Variants in TET2 observed in about 807,000 individuals in gnomAD.
TET2 encodes methylcytosine dioxygenase TET2.
TET2 carries 299 observed loss-of-function variants against 142.9 expected under a neutral mutation model. The ratio of observed to expected loss-of-function variants is 2.09; its 90% CI spans 1.90 to 2.30. The LOEUF (loss-of-function observed/expected upper bound fraction) is 2.30, where lower values mean the gene tolerates loss of function less well. Ranked by LOEUF, TET2 falls within the 30% of genes most tolerant of loss-of-function variation. The probability of loss-of-function intolerance (pLI) is 0.00; values close to 1 mark genes in which losing one functional copy is unlikely to be tolerated. For synonymous variants in TET2, 819 were observed against 849.0 expected (o/e 0.96, Z 0.61); for missense variants, 2,418 against 2,378.0 (o/e 1.02, Z -0.35).
chr4:105,247,966 C>A (rs1729668824), intron 6 of TET2, among the ~76,000 whole-genome samples: 1 of 152,088 alleles, frequency 6.6e-6, no homozygotes, highest in Non-Finnish European at 1.5e-5. Context: ...AAGTGATCCG[C>A]CCACCTTGGC....
At chr4:105,217,426 C>T (rs1727561360) in intron 2 of TET2, among the ~76,000 whole-genome samples, 3 of 152,026 alleles carry the variant, frequency 2.0e-5, no homozygotes, top group Non-Finnish European at 4.4e-5. Flanking sequence ...AGGTTCTCAT[C>T]AGTGCCTCAA....
At chr4:105,223,617 A>G (rs1727991464) in intron 2 of TET2, among the ~76,000 whole-genome samples, 1 of 152,200 alleles carries the variant, frequency 6.6e-6, no homozygotes, top group African/African-American at 2.4e-5. Context: ...AGTCCATAGC[A>G]TTGCACACAT....
intron 6 of TET2, among the ~76,000 whole-genome samples, chr4:105,258,839 T>C (rs111707016): frequency 1.6e-3 from 251 of 152,314 alleles, no homozygotes; most frequent in African/African-American, 5.8e-3. Context: ...GTCATTAGAA[T>C]GTATCAAACT....
rs943880787 is a variant in TET2 at position 105,272,808 on chromosome 4, C to G, written c.4427C>G (p.Ala1476Gly). 1 of 1,551,556 alleles carries G rather than the reference C, an allele frequency of 6.4e-7. No homozygotes were observed. The highest frequency in any genetic ancestry group is 8.7e-7 in the Non-Finnish European group (1 of 1,146,926). The stretch of plus-strand genomic sequence containing the variant: ...AAACTAGAAGCCAAGAAAGCTGCAG[C>G]TGAAAAGCTTTCCTCCCTGGAGAAC... ...QRKLEAKKAA[A>G]EKLSSLENSS... The change falls in exon 10 of 11, where the codon GCT becomes GGT. Residue 1476 changes from alanine to glycine, a missense_variant. Coordinates refer to ENST00000380013, the MANE Select transcript of TET2 (RefSeq NM_001127208.3).
At chr4:105,182,398 A>G (rs558297820) in intron 1 of TET2, among the ~76,000 whole-genome samples, 1 of 152,310 alleles carries the variant, frequency 6.6e-6, no homozygotes, top group Admixed American at 6.5e-5. Flanking sequence ...CTCCAGCACT[A>G]TGTCTCATGC....
chr4:105,259,840 A>G, intron 7 of TET2, 71 bp downstream of exon 7: 1 of 1,414,472 alleles, frequency 7.1e-7, no homozygotes, highest in Non-Finnish European at 9.5e-7. Flanking sequence ...TGAAGTGAAC[A>G]ATATGACATA....
intron 3 of TET2, chr4:105,240,402 T>C (rs376446971): frequency 1.1e-5 from 12 of 1,071,986 alleles, no homozygotes; most frequent in East Asian, 1.1e-4. Context: ...TGCTGATGGA[T>C]GTAGATATAT....
At position 105,275,968 on chromosome 4, in the gene TET2, A is replaced by G; in HGVS notation, c.5458A>G (p.Ser1820Gly). 2 of 1,551,790 alleles carry G rather than the reference A, an allele frequency of 1.3e-6. No individual in the cohort carries two copies. The highest frequency in any genetic ancestry group is 1.7e-6 in the Non-Finnish European group (2 of 1,146,998). The change falls in exon 11 of 11, where the codon AGT becomes GGT. Residue 1820 changes from serine (S) to glycine (G), a missense_variant. By Grantham distance (56) the Ser-to-Gly change is moderately conservative. Transcript: ENST00000380013. ...ACVQGGLHKL[S>G]DANGQEKQPL... Reference sequence around the variant, plus strand: ...TGTCCAAGGAGGCTTACACAAATTAAGTGATGCTAATGGTCAGGAAAAGCA... The same window carrying G: ...TGTCCAAGGAGGCTTACACAAATTAGGTGATGCTAATGGTCAGGAAAAGCA...
rs779965990 is a variant in TET2, at chr4:105,236,041, A to G, written c.2099A>G (p.Lys700Arg). ...GAAAAACTTATGTCCCCAGTGTTGAAACAGCACTTGAATCAACAGGCTTCA... is the reference window on the plus strand; with the variant it reads ...GAAAAACTTATGTCCCCAGTGTTGAGACAGCACTTGAATCAACAGGCTTCA... Reference protein sequence around the residue: ...QTEKLMSPVLKQHLNQQASET... With the variant: ...QTEKLMSPVLRQHLNQQASET... The change falls in exon 3 of 11, where the codon AAA becomes AGA. Residue 700 changes from lysine (K) to arginine (R), a missense_variant. Transcript: ENST00000380013. 2.2e-5 allele frequency: 35 copies of G among 1,614,178 alleles called. No homozygotes were observed. Among genetic ancestry groups the G allele is most frequent in the Non-Finnish European group, 3.0e-5 (35 of 1,180,026 alleles).
In TET2 at chr4:105,253,546, GT is replaced by G. The variant is rs530780808; in HGVS notation, c.3804-6060del. 2.4e-3 allele frequency among the ~76,000 whole-genome samples: 336 copies of G among 141,946 alleles called. 1 individual carries two copies. The highest frequency in any genetic ancestry group is 5.3e-3 in the African/African-American group (210 of 39,290). The allele number at this position is 141,946 out of a possible 152,430, so 93.1% of individuals were successfully genotyped here. A position where few individuals can be genotyped will look rare whatever the true frequency, so the allele number is the denominator to read the frequency against. ...ATGTTATATAATCACTTTAGATCCA[GT>G]TTTTTTTTTTTTGGTCATTCTTTCA... On this transcript the variant is annotated intron_variant, in intron 6 of 10. Transcript: ENST00000380013.
chr4:105,161,302 C>T (rs1189129236), intron 1 of TET2, among the ~76,000 whole-genome samples: 1 of 152,094 alleles, frequency 6.6e-6, no homozygotes, highest in Non-Finnish European at 1.5e-5. Context: ...GATATTACTT[C>T]TTTAGTGTTT....
At chr4:105,167,964 A>G (rs1724252327) in intron 1 of TET2, among the ~76,000 whole-genome samples, 1 of 152,204 alleles carries the variant, frequency 6.6e-6, no homozygotes, top group Non-Finnish European at 1.5e-5. Flanking sequence ...TGATCCTCCA[A>G]CATGTTCTGT....
At chr4:105,206,660 T>C (rs1034214514) in intron 2 of TET2, among the ~76,000 whole-genome samples, 5 of 152,204 alleles carry the variant, frequency 3.3e-5, no homozygotes, top group Non-Finnish European at 7.4e-5. Flanking sequence ...AGAAATTCTT[T>C]AAACTCTCTG....
At position 105,235,960 on chromosome 4, in the gene TET2, T is replaced by C; in HGVS notation, c.2018T>C (p.Val673Ala). The change falls in exon 3 of 11, where the codon GTG (valine) becomes GCG (alanine). Residue 673 changes from valine (V) to alanine (A), a missense_variant. By Grantham distance (64) the Val-to-Ala change is moderately conservative. Coordinates refer to ENST00000380013, the MANE Select transcript of TET2 (RefSeq NM_001127208.3). ...SKTDHLPKAHVQSLCGTRFHF... is the reference protein window; with the variant it reads ...SKTDHLPKAHAQSLCGTRFHF... ...ACAGACCATTTACCAAAAGCTCATG[T>C]GCAGTCACTGTGTGGCACTAGATTT... 1 of 1,614,188 alleles carries C rather than the reference T, an allele frequency of 6.2e-7. No individual in the cohort carries two copies. The highest frequency in any genetic ancestry group is 8.5e-7 in the Non-Finnish European group (1 of 1,180,022).
rs114036096 is a variant in TET2 at position 105,272,380 on chromosome 4, C to T, written c.4183-184C>T. Among the ~76,000 whole-genome samples, 591 of 152,148 alleles carry T rather than the reference C, an allele frequency of 3.9e-3. 2 individuals are homozygous for T. Among genetic ancestry groups the T allele is most frequent in the South Asian group, 7.1e-3 (34 of 4,816 alleles). ...TGTCAATTTGTCTTATCTCCCTGTA[C>T]CATTTTGTTGCTATTTTCATTAATA... On this transcript the variant is annotated intron_variant, in intron 9 of 10. Coordinates refer to ENST00000380013, the MANE Select transcript of TET2 (RefSeq NM_001127208.3).
chr4:105,250,925 G>A (rs949966094), intron 6 of TET2, among the ~76,000 whole-genome samples: 13 of 151,604 alleles, frequency 8.6e-5, no homozygotes, highest in Non-Finnish European at 1.6e-4. Context: ...CAAGTGACCT[G>A]ACTGCCTTGG....
chr4:105,181,532 T>G (rs538565490), intron 1 of TET2, among the ~76,000 whole-genome samples: 5 of 152,336 alleles, frequency 3.3e-5, no homozygotes, highest in African/African-American at 1.2e-4. Context: ...TTCTTTAGAT[T>G]CAGATATTTC....
At chr4:105,242,575 A>T in intron 4 of TET2, 1 of 1,208,704 alleles carries the variant, frequency 8.3e-7, no homozygotes, top group Non-Finnish European at 1.0e-6. Context: ...TATCGAAATG[A>T]GCTTTCCCAT....
At chr4:105,210,239 T>C (rs2110542155) in intron 2 of TET2, among the ~76,000 whole-genome samples, 1 of 152,274 alleles carries the variant, frequency 6.6e-6, no homozygotes, top group South Asian at 2.1e-4. Flanking sequence ...GATCTGAGAT[T>C]GAATTGCTAC....
Sources: gnomAD v4.1 joint callset for allele counts (sites outside exome capture counted in the v4.1 genomes callset) on GRCh38, gnomAD v4.1.1 for gene constraint, MANE v1.5 for transcripts, NCBI Gene and HGNC (gene_info 2026-07-23, HGNC 2026-07-21) for gene names.